DCLK1: variants seen among roughly 807,000 people sequenced by gnomAD.
DCLK1 encodes doublecortin like kinase 1.
A neutral mutation model predicts 86.2 loss-of-function variants in DCLK1; 16 were observed. The ratio of observed to expected loss-of-function variants is 0.19; its 90% CI spans 0.13 to 0.28. The LOEUF is 0.28. DCLK1 is among the 10% of genes least tolerant of loss of function. DCLK1 has a pLI of 1.00. For missense variants in DCLK1, 590 were observed against 940.2 expected, an observed-to-expected ratio of 0.63 and a Z score of 4.87; for synonymous variants, 369 against 370.5, an observed-to-expected ratio of 1.00 and a Z score of 0.05.
At chr13:35,800,501 C>T (rs762775693) in intron 15 of DCLK1, among the ~76,000 whole-genome samples, 7 of 152,110 alleles carry the variant, frequency 4.6e-5, no homozygotes, top group Non-Finnish European at 7.3e-5. Context: ...AGAGAGGCCT[C>T]GCTCATGACT....
intron 8 of DCLK1, among the ~76,000 whole-genome samples, chr13:35,834,845 C>G (rs1170681429): frequency 6.6e-6 from 1 of 152,142 alleles, no homozygotes; most frequent in African/African-American, 2.4e-5. Flanking sequence ...AATATCCTAG[C>G]CTTGCTGAAG....
chr13:36,092,069 C>A (rs1025520818), intron 3 of DCLK1, among the ~76,000 whole-genome samples: 1 of 152,266 alleles, frequency 6.6e-6, no homozygotes, highest in East Asian at 1.9e-4. Context: ...CTTAGCAGCA[C>A]GTGATACTGT....
intron 3 of DCLK1, among the ~76,000 whole-genome samples, chr13:36,068,968 A>G (rs926113180): frequency 1.3e-5 from 2 of 152,258 alleles, no homozygotes; most frequent in African/African-American, 4.8e-5. Context: ...CAGTCAGATA[A>G]AAGTTATAGC....
At chr13:35,854,884 G>A (rs1870936975) in intron 5 of DCLK1, among the ~76,000 whole-genome samples, 1 of 152,082 alleles carries the variant, frequency 6.6e-6, no homozygotes, top group Non-Finnish European at 1.5e-5. Context: ...GTGCCAGCAG[G>A]GACTTTAGGA....
At chr13:35,825,834 C>T (rs1176428842) in intron 10 of DCLK1, among the ~76,000 whole-genome samples, 1 of 148,892 alleles carries the variant, frequency 6.7e-6, no homozygotes, top group Admixed American at 6.7e-5. Flanking sequence ...TTTTTTGAGA[C>T]AGAGTTTCGC....
chr13:35,888,365 A>G (rs1037933362), intron 4 of DCLK1, among the ~76,000 whole-genome samples: 1 of 152,248 alleles, frequency 6.6e-6, no homozygotes, highest in African/African-American at 2.4e-5. Context: ...CAAAGTGAAG[A>G]AAAGAAGAAA....
chr13:36,027,271 A>G (rs538386244), intron 3 of DCLK1, among the ~76,000 whole-genome samples: 33 of 152,234 alleles, frequency 2.2e-4, no homozygotes, highest in Admixed American at 4.6e-4. Context: ...CTCAACCTAG[A>G]TCCCTCACAT....
intron 4 of DCLK1, among the ~76,000 whole-genome samples, chr13:35,932,892 T>G (rs1023516733): frequency 2.6e-5 from 4 of 152,204 alleles, no homozygotes; most frequent in African/African-American, 9.6e-5. Context: ...AAGTCTTAAC[T>G]CATTTCAGCC....
intron 10 of DCLK1, among the ~76,000 whole-genome samples, chr13:35,826,888 T>TAG (rs548011882): frequency 1.6e-4 from 25 of 152,092 alleles, no homozygotes; most frequent in Non-Finnish European, 3.5e-4. Flanking sequence ...CCAACTAAGG[T>TAG]AGACATTACT....
At chr13:35,941,049 T>C (rs1877052819) in intron 4 of DCLK1, among the ~76,000 whole-genome samples, 1 of 152,104 alleles carries the variant, frequency 6.6e-6, no homozygotes, top group Non-Finnish European at 1.5e-5. Flanking sequence ...TTTCAGGGAA[T>C]AGGAAGCAGG....
At chr13:36,099,407 A>G (rs1885120385) in intron 3 of DCLK1, among the ~76,000 whole-genome samples, 2 of 152,236 alleles carry the variant, frequency 1.3e-5, no homozygotes, top group Admixed American at 1.3e-4. Flanking sequence ...ACATCCTCAA[A>G]TAAGATTAAC....
rs955396503 is a variant in DCLK1, at chr13:36,130,513, C to T, written c.-20+601G>A. On this transcript the variant is annotated intron_variant, in intron 1 of 16. Coordinates refer to ENST00000360631, the MANE Select transcript of DCLK1 (RefSeq NM_001330071.2). ...GCGCTCCCACTAGGAGGAAAAAATGCCATTTCCTCTCCGCAAGCTTTTAGC... is the reference window on the plus strand; with the variant it reads ...GCGCTCCCACTAGGAGGAAAAAATGTCATTTCCTCTCCGCAAGCTTTTAGC... 2.0e-5 allele frequency among the ~76,000 whole-genome samples: 3 copies of T among 152,136 alleles called. No homozygotes were observed. The East Asian group carries it at 5.8e-4, about 29-fold the overall frequency.
intron 3 of DCLK1, among the ~76,000 whole-genome samples, chr13:35,986,566 G>A (rs1338516924): frequency 6.6e-6 from 1 of 152,086 alleles, no homozygotes; most frequent in Non-Finnish European, 1.5e-5. Flanking sequence ...CATACTGAGG[G>A]GTATAGAAGT....
chr13:35,793,309 T>C (rs894536867), intron 16 of DCLK1, 57 bp downstream of exon 16: 3 of 1,376,368 alleles, frequency 2.2e-6, no homozygotes, highest in Non-Finnish European at 3.0e-6. Flanking sequence ...GAGTAATGCC[T>C]GTCTCTTAGG....
chr13:35,789,176 C>A (rs575553442), intron 16 of DCLK1, among the ~76,000 whole-genome samples: 1 of 152,120 alleles, frequency 6.6e-6, no homozygotes, highest in African/African-American at 2.4e-5. Context: ...CGAGAGGATG[C>A]GACTTGGACA....
intron 3 of DCLK1, among the ~76,000 whole-genome samples, chr13:36,084,105 G>C (rs1884513551): frequency 6.6e-6 from 1 of 152,156 alleles, no homozygotes; most frequent in African/African-American, 2.4e-5. Context: ...CTTAGGATTA[G>C]ATTATCACAA....
intron 3 of DCLK1, among the ~76,000 whole-genome samples, chr13:36,058,120 C>T (rs114817122): frequency 1.4e-3 from 215 of 152,208 alleles, no homozygotes; most frequent in African/African-American, 4.8e-3. Flanking sequence ...TACTGAGAGA[C>T]ATAATGAAGC....
At chr13:35,831,567 C>T (rs922064937) in intron 8 of DCLK1, among the ~76,000 whole-genome samples, 4 of 152,050 alleles carry the variant, frequency 2.6e-5, no homozygotes, top group African/African-American at 4.8e-5. Context: ...CAGAGGGGAA[C>T]GAGACCTGAT....
chr13:35,959,869 G>A (rs970026258), intron 3 of DCLK1, among the ~76,000 whole-genome samples: 84 of 151,500 alleles, frequency 5.5e-4, no homozygotes, highest in East Asian at 9.9e-4. Flanking sequence ...GTGTGTGTGT[G>A]TGTGTGTGTG....
Sources: gnomAD v4.1 joint callset for allele counts (sites outside exome capture counted in the v4.1 genomes callset) on GRCh38, gnomAD v4.1.1 for gene constraint, MANE v1.5 for transcripts, NCBI Gene and HGNC (gene_info 2026-07-23, HGNC 2026-07-21) for gene names.